Variants in FSIP1 observed in about 807,000 individuals in gnomAD.
FSIP1 encodes fibrous sheath-interacting protein 1.
A neutral mutation model predicts 60.9 loss-of-function variants in FSIP1; 65 were observed. That is an observed-to-expected ratio of 1.07 (90% CI 0.87 to 1.31). The LOEUF (loss-of-function observed/expected upper bound fraction) is 1.31, where lower values mean the gene tolerates loss of function less well. Ranked by LOEUF, FSIP1 falls within the 40% of genes most tolerant of loss-of-function variation. FSIP1 has a pLI of 0.00. For synonymous variants in FSIP1, 209 were observed against 221.2 expected (o/e 0.94, Z 0.49); for missense variants, 675 against 665.5 (o/e 1.01, Z -0.16).
Position 39,746,710 on chromosome 15 carries a change from A to C in FSIP1, c.560-4810T>G, listed in dbSNP as rs1163002168. ...TAAAAAAATCATAAAATTTCTAAAA[A>C]CTTGTTGGCATCCTCAATATATCAA... is the stretch of plus-strand genomic sequence containing the variant. On this transcript the variant is annotated intron_variant, in intron 5 of 11. Transcript: ENST00000350221. Among the ~76,000 whole-genome samples the C allele has an allele frequency of 1.3e-5, 2 of 152,192 alleles. 1 individual carries two copies. The highest frequency in any genetic ancestry group is 1.3e-4 in the Admixed American group (2 of 15,282).
At chr15:39,717,897 T>C (rs1037594388) in intron 9 of FSIP1, among the ~76,000 whole-genome samples, 1 of 152,224 alleles carries the variant, frequency 6.6e-6, no homozygotes, top group Non-Finnish European at 1.5e-5. Flanking sequence ...TTTTCTCAGA[T>C]TGCCAAGGAA....
At chr15:39,709,288 G>T (rs1312883821) in intron 10 of FSIP1, among the ~76,000 whole-genome samples, 2 of 152,184 alleles carry the variant, frequency 1.3e-5, no homozygotes, top group Non-Finnish European at 2.9e-5. Flanking sequence ...ATGTTCCATT[G>T]CAGGAGGCAG....
At chr15:39,613,855 T>C (rs986880821) in intron 11 of FSIP1, among the ~76,000 whole-genome samples, 1 of 152,154 alleles carries the variant, frequency 6.6e-6, no homozygotes, top group African/African-American at 2.4e-5. Context: ...ATAAAAACCA[T>C]ATGATAATCT....
chr15:39,673,141 G>A (rs1367060803), intron 10 of FSIP1, among the ~76,000 whole-genome samples: 2 of 152,086 alleles, frequency 1.3e-5, no homozygotes, highest in Non-Finnish European at 2.9e-5. Flanking sequence ...TGCCCAAAAG[G>A]TTTCTGAAAA....
intron 10 of FSIP1, among the ~76,000 whole-genome samples, chr15:39,645,572 T>C (rs1208849659): frequency 1.3e-5 from 2 of 151,774 alleles, no homozygotes; most frequent in African/African-American, 4.8e-5. Context: ...CACTGGTGGC[T>C]GCAGATCTGG....
At chr15:39,720,822 G>A (rs1300867491) in intron 9 of FSIP1, among the ~76,000 whole-genome samples, 1 of 152,156 alleles carries the variant, frequency 6.6e-6, no homozygotes, top group Non-Finnish European at 1.5e-5. Context: ...AGAAAAGTAT[G>A]CACAGTTAAA....
intron 1 of FSIP1, among the ~76,000 whole-genome samples, chr15:39,778,248 T>C (rs944564459): frequency 2.6e-5 from 4 of 152,166 alleles, no homozygotes; most frequent in African/African-American, 9.7e-5. Context: ...GGGAGACTTA[T>C]TACAGCTTGC....
At chr15:39,746,169 G>A (rs536905376) in intron 5 of FSIP1, among the ~76,000 whole-genome samples, 3 of 152,042 alleles carry the variant, frequency 2.0e-5, no homozygotes, top group Non-Finnish European at 4.4e-5. Context: ...TCTATTTCCA[G>A]AATCTGGAAA....
chr15:39,685,619 G>C, intron 10 of FSIP1, among the ~76,000 whole-genome samples: 1 of 152,240 alleles, frequency 6.6e-6, no homozygotes. Flanking sequence ...TGTAGTTTAA[G>C]GGTAAAGAAA....
chr15:39,755,636 G>A (rs1315266354), intron 5 of FSIP1, among the ~76,000 whole-genome samples: 1 of 152,114 alleles, frequency 6.6e-6, no homozygotes, highest in African/African-American at 2.4e-5. Context: ...AGTAGAAAGA[G>A]ACTACCAGAT....
downstream of FSIP1, chr15:39,598,972 A>G (rs2140355423): frequency 6.6e-6 from 1 of 152,024 alleles, no homozygotes; most frequent in Admixed American, 6.5e-5. Context: ...CCCAGGCTGG[A>G]GTGCAGTGAC....
At chr15:39,639,636 T>C (rs1892280108) in intron 10 of FSIP1, among the ~76,000 whole-genome samples, 2 of 152,100 alleles carry the variant, frequency 1.3e-5, no homozygotes, top group Non-Finnish European at 2.9e-5. Context: ...TTCCAAAGAG[T>C]TCTTTGGATT....
intron 5 of FSIP1, among the ~76,000 whole-genome samples, chr15:39,746,635 A>G (rs1897003822): frequency 6.6e-6 from 1 of 152,226 alleles, no homozygotes; most frequent in Non-Finnish European, 1.5e-5. Flanking sequence ...AAAACAAATG[A>G]AACAGCATCC....
Position 39,720,312 on chromosome 15 carries a change from T to A in FSIP1, c.1050+6277A>T, listed in dbSNP as rs530450179. Among the ~76,000 whole-genome samples, 4 of 152,328 alleles carry A rather than the reference T, an allele frequency of 2.6e-5. No homozygotes were observed. In the South Asian group the frequency reaches 8.3e-4, roughly 32 times the overall value. On this transcript the variant is annotated intron_variant, in intron 9 of 11. Transcript: ENST00000350221. ...AAAGGAGATCAATACAAACTACAATTTTCCTCAATCAAATGTTTGCTAATT... is the reference window on the plus strand; with the variant it reads ...AAAGGAGATCAATACAAACTACAATATTCCTCAATCAAATGTTTGCTAATT...
chr15:39,763,937 T>G, intron 4 of FSIP1, 23 bp from the exon 5 acceptor site: 1 of 1,300,158 alleles, frequency 7.7e-7, no homozygotes, highest in Non-Finnish European at 1.1e-6. Flanking sequence ...AAATTAAAAT[T>G]TAAACATGGG....
At position 39,770,525 on chromosome 15, in the gene FSIP1, T is replaced by A. The variant is rs763028551; in HGVS notation, c.212A>T (p.Asp71Val). The A allele has an allele frequency of 6.2e-7, 1 of 1,611,620 alleles. No individual in the cohort carries two copies. Among genetic ancestry groups the A allele is most frequent in the Non-Finnish European group, 8.5e-7 (1 of 1,179,430 alleles). The change falls in exon 3 of 12, where the codon GAT becomes GTT. Residue 71 changes from aspartate (D) to valine (V), a missense_variant. By Grantham distance (152) the Asp-to-Val change is radical (BLOSUM62 -3). Transcript: ENST00000350221. ...TTTCTCAGAGCAGCTTTCCTGCTTA[T>A]CATCATTACTAGTTCTTCTGTTCTC... ...NTENRRTSND[D>V]KQESCSEKIK...
At chr15:39,708,926 A>G (rs1407971758) in intron 10 of FSIP1, among the ~76,000 whole-genome samples, 1 of 151,986 alleles carries the variant, frequency 6.6e-6, no homozygotes, top group Admixed American at 6.6e-5. Context: ...GTGAGCTTCA[A>G]CCTCATTCCA....
rs144308464 is a variant in FSIP1, at chr15:39,682,763, A to T, written c.1188+30681T>A. On this transcript the variant is annotated intron_variant, in intron 10 of 11. Transcript: ENST00000350221. ...ATCTTAGAAGACTACATATAACAAG[A>T]CACCCGTATATTTTCTTTTCTTGCC... Among the ~76,000 whole-genome samples the T allele has an allele frequency of 2.5e-3, 376 of 152,306 alleles. 8 individuals carry two copies. The East Asian group carries it at 0.035, about 14-fold the overall frequency.
intron 10 of FSIP1, among the ~76,000 whole-genome samples, chr15:39,660,765 T>C (rs1055403889): frequency 1.3e-5 from 2 of 152,176 alleles, no homozygotes; most frequent in African/African-American, 2.4e-5. Flanking sequence ...ACCTTAATCT[T>C]AAAGCAATAA....
Sources: gnomAD v4.1 joint callset for allele counts (sites outside exome capture counted in the v4.1 genomes callset) on GRCh38, gnomAD v4.1.1 for gene constraint, MANE v1.5 for transcripts, NCBI Gene and HGNC (gene_info 2026-07-23, HGNC 2026-07-21) for gene names.